The following NELL2 variants were observed in gnomAD, a reference collection of about 807,000 sequenced individuals.
The protein encoded by NELL2 is protein kinase C-binding protein NELL2.
A neutral mutation model predicts 109.6 loss-of-function variants in NELL2; 41 were observed. The observed-to-expected ratio is 0.37, with a 90% CI of 0.29 to 0.49. The LOEUF is 0.49. NELL2 is among the 20% of genes least tolerant of loss of function. The pLI is 0.98. For missense variants in NELL2, 900 were observed against 1,008.3 expected (o/e 0.89, Z 1.45); for synonymous variants, 355 against 344.7 (o/e 1.03, Z -0.33).
At chr12:44,902,506 C>T (rs1945672595) in intron 1 of NELL2, among the ~76,000 whole-genome samples, 1 of 152,074 alleles carries the variant, frequency 6.6e-6, no homozygotes, top group African/African-American at 2.4e-5. Flanking sequence ...CAATGCTATT[C>T]CCATCAAGCT....
chr12:44,591,061 A>C (rs1944728158), intron 15 of NELL2, among the ~76,000 whole-genome samples: 1 of 152,230 alleles, frequency 6.6e-6, no homozygotes, highest in African/African-American at 2.4e-5. Flanking sequence ...AATGCAAACC[A>C]AAACCATGAG....
At chr12:44,515,697 C>T (rs1481975328) in intron 19 of NELL2, among the ~76,000 whole-genome samples, 2 of 151,872 alleles carry the variant, frequency 1.3e-5, no homozygotes, top group Non-Finnish European at 2.9e-5. Flanking sequence ...TAAGCACCTA[C>T]TATCAAAACT....
At chr12:44,587,027 C>T (rs1433860298) in intron 15 of NELL2, among the ~76,000 whole-genome samples, 2 of 151,822 alleles carry the variant, frequency 1.3e-5, no homozygotes, top group Non-Finnish European at 2.9e-5. Flanking sequence ...AATCCCGGCA[C>T]TTTGGGAGGC....
chr12:44,614,645 C>T (rs1945752659), intron 13 of NELL2, among the ~76,000 whole-genome samples: 1 of 151,998 alleles, frequency 6.6e-6, no homozygotes, highest in Non-Finnish European at 1.5e-5. Flanking sequence ...CTAAGTCAAC[C>T]TGGGTATGCT....
chr12:44,585,376 CG>C (rs1355414299), intron 15 of NELL2, among the ~76,000 whole-genome samples: 6 of 151,932 alleles, frequency 3.9e-5, no homozygotes, highest in African/African-American at 1.5e-4. Context: ...CTGAGGGAGG[CG>C]GATCATCTGA....
At chr12:44,775,534 C>T (rs1446679913) in intron 8 of NELL2, among the ~76,000 whole-genome samples, 1 of 152,152 alleles carries the variant, frequency 6.6e-6, no homozygotes, top group African/African-American at 2.4e-5. Context: ...TTAGCAAAAT[C>T]ACATTTATTT....
intron 15 of NELL2, among the ~76,000 whole-genome samples, chr12:44,605,732 G>GA (rs752674947): frequency 3.6e-4 from 55 of 152,162 alleles, no homozygotes; most frequent in Admixed American, 5.2e-4. Context: ...GAAATGTCCT[G>GA]AAAAAGCCAG....
chr12:44,729,661 C>T (rs2136470311), intron 9 of NELL2, among the ~76,000 whole-genome samples: 1 of 149,634 alleles, frequency 6.7e-6, no homozygotes, highest in East Asian at 2.0e-4. Context: ...ATGTTTGAAA[C>T]ATATATTTCA....
intron 2 of NELL2, among the ~76,000 whole-genome samples, chr12:44,820,363 CTT>C (rs1371733745): frequency 6.6e-6 from 1 of 152,114 alleles, no homozygotes; most frequent in Non-Finnish European, 1.5e-5. Context: ...AATCCCAGCA[CTT>C]TGGGAGTCCG....
At chr12:44,537,016 C>A (rs1021594322) in intron 15 of NELL2, among the ~76,000 whole-genome samples, 81 of 107,606 alleles carry the variant, frequency 7.5e-4, no homozygotes, top group South Asian at 9.1e-4. Flanking sequence ...AAACAAAAAC[C>A]AAAAAAAAAA....
intron 9 of NELL2, among the ~76,000 whole-genome samples, chr12:44,748,131 A>G (rs1455277484): frequency 6.6e-6 from 1 of 152,170 alleles, no homozygotes; most frequent in Non-Finnish European, 1.5e-5. Context: ...GTGCCTGCAA[A>G]AGATCAGAAG....
At chr12:44,801,658 T>C (rs900055321) in intron 3 of NELL2, among the ~76,000 whole-genome samples, 2 of 152,120 alleles carry the variant, frequency 1.3e-5, no homozygotes, top group Non-Finnish European at 2.9e-5. Context: ...ACCTCCAAGA[T>C]TGCAGTGAGC....
chr12:44,512,299 A>G (rs562361463), intron 19 of NELL2, among the ~76,000 whole-genome samples: 1 of 152,296 alleles, frequency 6.6e-6, no homozygotes, highest in African/African-American at 2.4e-5. Flanking sequence ...CTCCAGTTAG[A>G]ACAGCTTTTA....
chr12:44,910,480 G>A (rs1259602616), intron 1 of NELL2, among the ~76,000 whole-genome samples: 1 of 151,984 alleles, frequency 6.6e-6, no homozygotes, highest in Non-Finnish European at 1.5e-5. Context: ...AGGCTGTGGA[G>A]AGAAAGGAGA....
intron 15 of NELL2, among the ~76,000 whole-genome samples, chr12:44,600,127 A>AATTAATTT (rs1025046231): frequency 2.3e-5 from 3 of 132,186 alleles, no homozygotes; most frequent in Admixed American, 1.5e-4. Context: ...ACGCCCGGCT[A>AATTAATTT]ATTTATTTAT....
intron 12 of NELL2, among the ~76,000 whole-genome samples, chr12:44,677,306 A>C (rs749634796): frequency 6.6e-6 from 1 of 152,106 alleles, no homozygotes; most frequent in Non-Finnish European, 1.5e-5. Flanking sequence ...GTAATCACTG[A>C]AGTTTTTTAA....
At chr12:44,878,588 G>A (rs1221476623), upstream of NELL2, among the ~76,000 whole-genome samples, 1 of 152,070 alleles carries the variant, frequency 6.6e-6, no homozygotes, top group Non-Finnish European at 1.5e-5. Context: ...TTATCTATGT[G>A]TTCTTTTGAC....
At position 44,567,454 on chromosome 12, in the gene NELL2, G is replaced by T. The variant is rs536850375; in HGVS notation, c.1664-34733C>A. On this transcript the variant is annotated intron_variant, in intron 15 of 19. Coordinates refer to ENST00000429094, the MANE Select transcript of NELL2 (RefSeq NM_001145108.2). Reference sequence around the variant, plus strand: ...TGTTCTTGAAATAGAAATCAGAGTTGAATGACCTCAGTGCTACAGTAAATT... The same window carrying T: ...TGTTCTTGAAATAGAAATCAGAGTTTAATGACCTCAGTGCTACAGTAAATT... Among the ~76,000 whole-genome samples, 6 of 152,172 alleles carry T rather than the reference G, an allele frequency of 3.9e-5. No individual in the cohort carries two copies. In the South Asian group the frequency reaches 1.2e-3, roughly 32 times the overall value.
At chr12:44,518,524 C>T (rs1451180658) in intron 19 of NELL2, among the ~76,000 whole-genome samples, 2 of 152,134 alleles carry the variant, frequency 1.3e-5, no homozygotes, top group African/African-American at 2.4e-5. Flanking sequence ...GGATTACAGG[C>T]GTGAGCCACC....
Sources: gnomAD v4.1 joint callset for allele counts (sites outside exome capture counted in the v4.1 genomes callset) on GRCh38, gnomAD v4.1.1 for gene constraint, MANE v1.5 for transcripts, NCBI Gene and HGNC (gene_info 2026-07-23, HGNC 2026-07-21) for gene names.